Variants in SYNPO2 observed in about 807,000 individuals in gnomAD.
SYNPO2 encodes synaptopodin 2, also known as synaptopodin-2.
In SYNPO2, 56 loss-of-function variants were observed where a neutral mutation model predicts 85.0. That is an observed-to-expected ratio of 0.66 (90% confidence interval 0.53 to 0.82). SYNPO2 has a LOEUF of 0.82. Ranked by LOEUF, SYNPO2 falls within the 40% of genes least tolerant of loss-of-function variation. The probability of loss-of-function intolerance (pLI) is 0.00; values close to 1 mark genes in which losing one functional copy is unlikely to be tolerated. For missense variants in SYNPO2, 1,575 were observed against 1,534.2 expected, an observed-to-expected ratio of 1.03 and a Z score of -0.44; for synonymous variants, 602 against 591.1, an observed-to-expected ratio of 1.02 and a Z score of -0.27.
intron 1 of SYNPO2, among the ~76,000 whole-genome samples, chr4:118,876,598 T>TTCCC (rs796416481): frequency 9.2e-5 from 14 of 152,142 alleles, no homozygotes; most frequent in African/African-American, 2.9e-4. Context: ...ATACTTTTCC[T>TTCCC]TCCCTCCCTC....
intron 1 of SYNPO2, among the ~76,000 whole-genome samples, chr4:118,982,105 G>A (rs749060365): frequency 2.6e-5 from 4 of 152,040 alleles, no homozygotes; most frequent in Non-Finnish European, 5.9e-5. Context: ...ATACTTCCAG[G>A]GAGTCAACTC....
At chr4:118,975,176 T>C (rs9307465) in intron 1 of SYNPO2, among the ~76,000 whole-genome samples, 41,549 of 152,070 alleles carry the variant, frequency 0.27, 6,245 homozygotes, top group East Asian at 0.44. Flanking sequence ...GTCATACTTA[T>C]CTTATGGGCC....
intron 4 of SYNPO2, among the ~76,000 whole-genome samples, chr4:119,051,038 G>A (rs1398691639): frequency 6.6e-6 from 1 of 152,100 alleles, no homozygotes; most frequent in Non-Finnish European, 1.5e-5. Context: ...TTTCTCCTTA[G>A]TTTGAAAAAT....
chr4:118,980,140 T>C (rs749169646), intron 1 of SYNPO2, among the ~76,000 whole-genome samples: 7 of 152,248 alleles, frequency 4.6e-5, no homozygotes, highest in Admixed American at 1.3e-4. Flanking sequence ...TGGCTGCTAT[T>C]AATAATGACA....
Position 118,888,966 on chromosome 4 carries a change from C to A in SYNPO2, c.-71C>A. On this transcript the variant is annotated 5_prime_UTR_variant, in exon 1 of 5. Transcript: ENST00000307142. ...CTCGGCAGGCGCCCGAAGCTGAGTG[C>A]GCATCCTCTACCGCACCCAAGCTTC... 2 of 1,479,992 alleles carry A rather than the reference C, an allele frequency of 1.4e-6. No homozygotes were observed. Among genetic ancestry groups the A allele is most frequent in the Non-Finnish European group, 1.9e-6 (2 of 1,061,686 alleles). The allele number at this position is 1,479,992 out of a possible 1,614,324, so 91.7% of individuals were successfully genotyped here. A position where few individuals can be genotyped will look rare whatever the true frequency, so the allele number is the denominator to read the frequency against.
chr4:119,022,769 ATTTTAT>A, intron 1 of SYNPO2, among the ~76,000 whole-genome samples: 1 of 90,134 alleles, frequency 1.1e-5, no homozygotes, highest in Non-Finnish European at 2.5e-5. Flanking sequence ...TTTATATTTT[ATTTTAT>A]TTTATTTTAT....
intron 1 of SYNPO2, among the ~76,000 whole-genome samples, chr4:118,974,743 A>G (rs1292785856): frequency 6.6e-6 from 1 of 152,188 alleles, no homozygotes; most frequent in Non-Finnish European, 1.5e-5. Context: ...TTAGGACTTT[A>G]GATTCATCCT....
intron 1 of SYNPO2, among the ~76,000 whole-genome samples, chr4:118,864,082 G>C (rs1467269817): frequency 1.3e-5 from 2 of 152,002 alleles, no homozygotes; most frequent in Non-Finnish European, 2.9e-5. Flanking sequence ...TTCTGATGTG[G>C]GCAGTTATAG....
chr4:118,953,456 G>A (rs10017229), intron 1 of SYNPO2, among the ~76,000 whole-genome samples: 28,006 of 152,120 alleles, frequency 0.18, 2,878 homozygotes, highest in East Asian at 0.26. Context: ...GGATAGGACA[G>A]GTGCTCATTA....
At chr4:119,026,462 T>A (rs910445556) in intron 2 of SYNPO2, among the ~76,000 whole-genome samples, 165 bp from the exon 3 acceptor site, 26 of 152,236 alleles carry the variant, frequency 1.7e-4, no homozygotes, top group African/African-American at 4.6e-4. Flanking sequence ...TAAGTAATAA[T>A]ATGAACATGT....
intron 1 of SYNPO2, among the ~76,000 whole-genome samples, chr4:118,881,066 G>C (rs921889105): frequency 6.6e-6 from 1 of 152,040 alleles, no homozygotes; most frequent in Non-Finnish European, 1.5e-5. Context: ...ACTTTGGGAG[G>C]CCTAGGTGGG....
chr4:119,014,664 C>T (rs1310713640), intron 1 of SYNPO2, among the ~76,000 whole-genome samples: 1 of 152,152 alleles, frequency 6.6e-6, no homozygotes. Context: ...AGAGTCTAAA[C>T]AGTTCCTAAG....
At chr4:119,033,460 G>T in intron 4 of SYNPO2, 1 of 985,362 alleles carries the variant, frequency 1.0e-6, no homozygotes, top group African/African-American at 1.7e-5. Flanking sequence ...ACCTTTCTCA[G>T]ATCTATTTTA....
In SYNPO2 at chr4:118,889,065, C is replaced by G. The variant is rs1183236228; in HGVS notation, c.29C>G (p.Ser10Cys). The stretch of plus-strand genomic sequence containing the variant: ...GGCACAGGGGATTTTATCTGCATTT[C>G]CATGACTGGAGGGGCGCCCTGGGGG... MGTGDFICISMTGGAPWGFR... is the reference protein window; with the variant it reads MGTGDFICICMTGGAPWGFR... The change falls in exon 1 of 5, where the codon TCC becomes TGC. Residue 10 changes from serine (S) to cysteine (C), a missense_variant. By Grantham distance (112) the Ser-to-Cys change is moderately radical. Around this residue, in one of 3 missense-constraint regions of SYNPO2, gnomAD observed 55 missense variants for 55.5 expected, o/e 0.99. Transcript: ENST00000307142. The G allele has an allele frequency of 6.2e-7, 1 of 1,614,154 alleles. No individual in the cohort carries two copies. Among genetic ancestry groups the G allele is most frequent in the South Asian group, 1.1e-5 (1 of 91,084 alleles).
intron 1 of SYNPO2, among the ~76,000 whole-genome samples, chr4:118,892,349 A>G (rs1204672572): frequency 6.6e-6 from 1 of 152,194 alleles, no homozygotes; most frequent in Non-Finnish European, 1.5e-5. Flanking sequence ...TTCTAAATAT[A>G]TGTGATGGGA....
At chr4:118,932,767 C>T (rs1277746419) in intron 1 of SYNPO2, among the ~76,000 whole-genome samples, 6 of 152,116 alleles carry the variant, frequency 3.9e-5, no homozygotes, top group African/African-American at 1.2e-4. Context: ...GAAAAGTGGT[C>T]GATAGTTCAT....
chr4:118,880,577 A>G (rs185731469), intron 1 of SYNPO2, among the ~76,000 whole-genome samples: 19 of 151,928 alleles, frequency 1.3e-4, no homozygotes, highest in Admixed American at 1.2e-3. Flanking sequence ...GTGAAACCCC[A>G]TCTTTACTAA....
intron 1 of SYNPO2, among the ~76,000 whole-genome samples, chr4:118,895,684 C>G (rs1321420317): frequency 6.6e-6 from 1 of 152,170 alleles, no homozygotes; most frequent in Admixed American, 6.5e-5. Context: ...ATCTAGCCAC[C>G]TTTTAAGATA....
At chr4:118,972,823 G>C (rs1311264674) in intron 1 of SYNPO2, among the ~76,000 whole-genome samples, 2 of 152,178 alleles carry the variant, frequency 1.3e-5, no homozygotes, top group Non-Finnish European at 2.9e-5. Flanking sequence ...TCATCACATA[G>C]TGAGTGCTTA....
Sources: gnomAD v4.1 joint callset for allele counts (sites outside exome capture counted in the v4.1 genomes callset) on GRCh38, gnomAD v4.1.1 for gene constraint, gnomAD v4.1.1 regional missense constraint, MANE v1.5 for transcripts, NCBI Gene and HGNC (gene_info 2026-07-23, HGNC 2026-07-21) for gene names.